Variants in PWWP2B observed in about 807,000 individuals in gnomAD.
PWWP2B encodes PWWP domain containing 2B, also known as PWWP domain-containing protein 2B.
PWWP2B carries 9 observed loss-of-function variants against 15.5 expected under a neutral mutation model. The observed-to-expected ratio is 0.58, with a 90% CI of 0.35 to 1.02. The LOEUF is 1.02. Ranked by LOEUF, PWWP2B falls within the 50% of genes least tolerant of loss-of-function variation. The probability of loss-of-function intolerance (pLI) is 0.02; values close to 1 mark genes in which losing one functional copy is unlikely to be tolerated. For missense variants in PWWP2B, 864 were observed against 865.3 expected (o/e 1.00, Z 0.02); for synonymous variants, 474 against 403.6 (o/e 1.17, Z -2.09).
At chr10:132,403,059 G>A (rs534625042) in intron 1 of PWWP2B, among the ~76,000 whole-genome samples, 133 of 152,346 alleles carry the variant, frequency 8.7e-4, no homozygotes, top group African/African-American at 2.6e-3. Flanking sequence ...CGCTTCCCAC[G>A]GCTGCTGCAG....
chr10:132,397,819 A>G (rs563457513), intron 1 of PWWP2B, among the ~76,000 whole-genome samples: 27 of 151,982 alleles, frequency 1.8e-4, no homozygotes, highest in African/African-American at 5.8e-4. Flanking sequence ...TGAGGTTTGG[A>G]TTCGGGGAGA....
In PWWP2B at chr10:132,405,949, G is replaced by A. The variant is rs1308634332; in HGVS notation, c.1449G>A (p.Glu483=). The A allele has an allele frequency of 6.2e-7, 1 of 1,613,422 alleles. No individual in the cohort carries two copies. Among genetic ancestry groups the A allele is most frequent in the Admixed American group, 1.7e-5 (1 of 60,034 alleles). The change falls in exon 2 of 3, where the codon GAG becomes GAA. Residue 483 remains glutamate, a synonymous_variant. Transcript: ENST00000305233. ...AGAGCGTGTCGGAGTGCATCACGGA[G>A]GACGGCAGGACTGTGGCCGTGGGGG... ...HTQSVSECIT[E]DGRTVAVGDI...
At chr10:132,399,432 T>G (rs2069585157) in intron 1 of PWWP2B, among the ~76,000 whole-genome samples, 1 of 152,206 alleles carries the variant, frequency 6.6e-6, no homozygotes. Flanking sequence ...GATGCAGGGC[T>G]GAGGTGGGCC....
intron 2 of PWWP2B, among the ~76,000 whole-genome samples, chr10:132,415,980 G>A (rs1007471263): frequency 1.3e-5 from 2 of 152,206 alleles, no homozygotes; most frequent in African/African-American, 4.8e-5. Context: ...ACTCTCACAC[G>A]GCACACGCCT....
rs184305351 is a variant in PWWP2B at position 132,411,454 on chromosome 10, C to T, written c.*16+5165C>T. Among the ~76,000 whole-genome samples the T allele has an allele frequency of 4.5e-3, 687 of 152,352 alleles. 2 individuals carry two copies. The highest frequency in any genetic ancestry group is 7.7e-3 in the Non-Finnish European group (523 of 68,022). On this transcript the variant is annotated intron_variant, in intron 2 of 2. Coordinates refer to ENST00000305233, the MANE Select transcript of PWWP2B (RefSeq NM_138499.4). ...ATCCCCAGCGGTTGTGTGGGCAGCGCGGGCACAGCCCAGGGTCCACCCGAG... is the reference window on the plus strand; with the variant it reads ...ATCCCCAGCGGTTGTGTGGGCAGCGTGGGCACAGCCCAGGGTCCACCCGAG...
chr10:132,415,337 CATAT>C (rs139717847), intron 2 of PWWP2B, among the ~76,000 whole-genome samples: 5 of 150,516 alleles, frequency 3.3e-5, no homozygotes, highest in South Asian at 2.1e-4. Context: ...CCCCCACACA[CATAT>C]CCACTCACAC....
At position 132,405,902 on chromosome 10, in the gene PWWP2B, CT is replaced by C. The variant is rs1304707916; in HGVS notation, c.1403del (p.Leu468ArgfsTer86). 1.2e-6 allele frequency: 2 copies of C among 1,612,216 alleles called. No individual in the cohort carries two copies. Among genetic ancestry groups the C allele is most frequent in the South Asian group, 1.1e-5 (1 of 91,074 alleles). On this transcript the variant is annotated frameshift_variant, in exon 2 of 3. Coordinates refer to ENST00000305233, the MANE Select transcript of PWWP2B (RefSeq NM_138499.4). LOFTEE classifies it low-confidence loss of function (END_TRUNC). ...SREARQTVPP[L>X]TVRLHTQSVS... Reference sequence around the variant, plus strand: ...AGAGGCTCGCCAAACGGTGCCGCCCCTGACGGTCAGGCTGCACACACAGAGC... The same window carrying C: ...AGAGGCTCGCCAAACGGTGCCGCCCCGACGGTCAGGCTGCACACACAGAGC...
chr10:132,413,929 C>T (rs556391788), intron 2 of PWWP2B, among the ~76,000 whole-genome samples: 10 of 152,214 alleles, frequency 6.6e-5, no homozygotes, highest in African/African-American at 2.2e-4. Flanking sequence ...TAGGTGAGCA[C>T]GAGACTCCGA....
At chr10:132,400,244 G>T (rs1006880658) in intron 1 of PWWP2B, among the ~76,000 whole-genome samples, 1 of 152,212 alleles carries the variant, frequency 6.6e-6, no homozygotes, top group Non-Finnish European at 1.5e-5. Flanking sequence ...TTGAAGGCCA[G>T]GGCACCAGGA....
In PWWP2B at chr10:132,397,295, C is replaced by G; in HGVS notation, c.69C>G (p.Val23=). ...VEQVVNGALV[V]TVSCGERSFA... ...AGGTCGTCAACGGCGCGCTGGTGGTCACGGTGAGCTGCGGCGAGCGGAGCT... is the reference window on the plus strand; with the variant it reads ...AGGTCGTCAACGGCGCGCTGGTGGTGACGGTGAGCTGCGGCGAGCGGAGCT... The change falls in exon 1 of 3, where the codon GTC becomes GTG. Residue 23 remains valine, a synonymous_variant. Transcript: ENST00000305233. The G allele has an allele frequency of 7.0e-7, 1 of 1,428,870 alleles. No individual in the cohort carries two copies. The highest frequency in any genetic ancestry group is 1.5e-5 in the South Asian group (1 of 66,588). The allele number at this position is 1,428,870 out of a possible 1,614,324, so 88.5% of individuals were successfully genotyped here. A position where few individuals can be genotyped will look rare whatever the true frequency, so the allele number is the denominator to read the frequency against.
intron 1 of PWWP2B, among the ~76,000 whole-genome samples, chr10:132,400,882 C>T (rs759043149): frequency 2.6e-5 from 4 of 152,240 alleles, no homozygotes; most frequent in African/African-American, 4.8e-5. Flanking sequence ...AATGTGGGCC[C>T]GGGAGGCCAG....
At chr10:132,408,714 C>T (rs1458844148) in intron 2 of PWWP2B, among the ~76,000 whole-genome samples, 4 of 152,252 alleles carry the variant, frequency 2.6e-5, no homozygotes, top group Non-Finnish European at 4.4e-5. Context: ...GAGCAGTCAC[C>T]GCAGGCACCA....
intron 1 of PWWP2B, among the ~76,000 whole-genome samples, chr10:132,403,235 G>A (rs779278398): frequency 4.0e-4 from 53 of 132,442 alleles, no homozygotes; most frequent in Non-Finnish European, 6.3e-4. Flanking sequence ...AGAACCCCCC[G>A]CCCCGTGTTC....
chr10:132,405,441 C>T lies in PWWP2B; in HGVS notation c.941C>T (p.Pro314Leu). ...TCCTGCGCGCCCTCGGCCTCCATCC[C>T]CAAGTTGAAACTGACACGGCCTGTG... ...RPSCAPSASI[P>L]KLKLTRPVPA... The change falls in exon 2 of 3, where the codon CCC becomes CTC. Residue 314 changes from proline (P) to leucine (L), a missense_variant. Pro to Leu is a moderately conservative substitution (Grantham distance 98). Coordinates refer to ENST00000305233, the MANE Select transcript of PWWP2B (RefSeq NM_138499.4). 1 of 1,609,714 alleles carries T rather than the reference C, an allele frequency of 6.2e-7. No individual in the cohort carries two copies. The highest frequency in any genetic ancestry group is 8.5e-7 in the Non-Finnish European group (1 of 1,179,458).
intron 2 of PWWP2B, among the ~76,000 whole-genome samples, chr10:132,407,767 G>A (rs1166211662): frequency 6.6e-6 from 1 of 152,214 alleles, no homozygotes; most frequent in Non-Finnish European, 1.5e-5. Flanking sequence ...CGTGGGGCAG[G>A]TGCCTTGTTG....
In PWWP2B at chr10:132,417,315, T is replaced by A; in HGVS notation, c.*271T>A. The A allele has an allele frequency of 1.9e-6, 1 of 531,538 alleles. No individual in the cohort carries two copies. The highest frequency in any genetic ancestry group is 2.4e-5 in the South Asian group (1 of 41,946). The allele number at this position is 531,538 out of a possible 1,614,324, so 32.9% of individuals were successfully genotyped here. A position where few individuals can be genotyped will look rare whatever the true frequency, so the allele number is the denominator to read the frequency against. On this transcript the variant is annotated 3_prime_UTR_variant, in exon 3 of 3. Coordinates refer to ENST00000305233, the MANE Select transcript of PWWP2B (RefSeq NM_138499.4). The stretch of plus-strand genomic sequence containing the variant: ...TCACGAGGCAGTCGGGACTCGTGAC[T>A]TGCTGGCTGCTGGCTGCTGCTGCCT...
intron 2 of PWWP2B, 47 bp downstream of exon 2, chr10:132,406,336 A>C: frequency 1.4e-3 from 2,066 of 1,459,024 alleles, no homozygotes; most frequent in Non-Finnish European, 1.8e-3. Context: ...GCCCAAGCTC[A>C]CACCTGTGTC....
Position 132,405,477 on chromosome 10 carries a change from C to T in PWWP2B, c.977C>T (p.Ala326Val), listed in dbSNP as rs759087247. ...LKLTRPVPAG[A>V]DLPPPKIRLK... ...CTGACACGGCCTGTGCCGGCCGGCG[C>T]GGACCTGCCGCCCCCTAAGATCCGC... The change falls in exon 2 of 3, where the codon GCG becomes GTG. Residue 326 changes from alanine to valine, a missense_variant. Around this residue, in one of 2 missense-constraint regions of PWWP2B, gnomAD observed 736 missense variants for 687.7 expected, o/e 1.07. Transcript: ENST00000305233. 5 of 1,604,834 alleles carry T rather than the reference C, an allele frequency of 3.1e-6. No individual in the cohort carries two copies. The African/African-American group carries it at 4.0e-5, about 13-fold the overall frequency.
intron 1 of PWWP2B, among the ~76,000 whole-genome samples, chr10:132,402,898 C>T (rs913492227): frequency 8.5e-5 from 13 of 152,240 alleles, no homozygotes; most frequent in East Asian, 5.8e-4. Context: ...AACGCTGGAG[C>T]GGCCAGGTGT....
Sources: allele counts gnomAD v4.1 joint callset (sites outside exome capture counted in the v4.1 genomes callset), GRCh38; gene constraint gnomAD v4.1.1; regional missense constraint gnomAD v4.1.1; transcripts MANE v1.5; gene names NCBI Gene and HGNC (gene_info 2026-07-23, HGNC 2026-07-21).